PALLD: variants seen among roughly 807,000 people sequenced by gnomAD.
The protein encoded by PALLD is palladin.
In PALLD, 61 loss-of-function variants were observed where a neutral mutation model predicts 123.5. That is an observed-to-expected ratio of 0.49 (90% CI 0.40 to 0.61). The LOEUF is 0.61. Among genes scored for constraint, PALLD ranks in the 20% least tolerant of loss-of-function variants. PALLD has a pLI of 0.00. For synonymous variants in PALLD, 465 were observed against 496.4 expected (o/e 0.94, Z 0.84); for missense variants, 1,273 against 1,377.0 (o/e 0.92, Z 1.20).
At chr4:168,623,579 A>G (rs1378308910) in intron 2 of PALLD, among the ~76,000 whole-genome samples, 1 of 152,218 alleles carries the variant, frequency 6.6e-6, no homozygotes, top group Non-Finnish European at 1.5e-5. Flanking sequence ...GAGGCGGCGA[A>G]CTGCCTAACA....
At chr4:168,800,076 C>G (rs914098570) in intron 10 of PALLD, among the ~76,000 whole-genome samples, 3 of 152,136 alleles carry the variant, frequency 2.0e-5, no homozygotes, top group African/African-American at 7.2e-5. Flanking sequence ...GGCTTCATAT[C>G]TGTAGTAAAG....
intron 10 of PALLD, among the ~76,000 whole-genome samples, chr4:168,808,578 T>G (rs1740584094): frequency 6.6e-6 from 1 of 152,250 alleles, no homozygotes; most frequent in Non-Finnish European, 1.5e-5. Flanking sequence ...AAGCATTGTA[T>G]TAGTCTGTTT....
intron 2 of PALLD, among the ~76,000 whole-genome samples, chr4:168,630,009 G>A (rs1214195120): frequency 2.0e-5 from 3 of 152,118 alleles, no homozygotes; most frequent in African/African-American, 7.2e-5. Context: ...TAGTTGGAGG[G>A]GCTTCTTCAG....
chr4:168,668,323 A>C lies in PALLD; in HGVS notation c.1042A>C (p.Asn348His). 1 of 1,612,784 alleles carries C rather than the reference A, an allele frequency of 6.2e-7. No individual in the cohort carries two copies. The highest frequency in any genetic ancestry group is 8.5e-7 in the Non-Finnish European group (1 of 1,179,050). The change falls in exon 3 of 22, where the codon AAT (asparagine) becomes CAT (histidine). Residue 348 changes from asparagine (N) to histidine (H), a missense_variant. Asn to His is a moderately conservative substitution (Grantham distance 68). Coordinates refer to ENST00000505667, the MANE Select transcript of PALLD (RefSeq NM_001166108.2). ...AGGTCGCTACACCTGTTTGGCTACG[A>C]ATCCCAGCGGCTCAGACACAACATC... ...DTGRYTCLATNPSGSDTTSAE... is the reference protein window; with the variant it reads ...DTGRYTCLATHPSGSDTTSAE...
At position 168,924,465 on chromosome 4, in the gene PALLD, A is replaced by G. The variant is rs374680638; in HGVS notation, c.3224+45A>G. On this transcript the variant is annotated intron_variant, in intron 19 of 21. Coordinates refer to ENST00000505667, the MANE Select transcript of PALLD (RefSeq NM_001166108.2). ...ACCTGATCCTTAACTGTTCAGTCCTAATGATGTATCAAAAGATACATTTTA... is the reference window on the plus strand; with the variant it reads ...ACCTGATCCTTAACTGTTCAGTCCTGATGATGTATCAAAAGATACATTTTA... 20 of 1,516,074 alleles carry G rather than the reference A, an allele frequency of 1.3e-5. No homozygotes were observed. In the African/African-American group the frequency reaches 1.9e-4, roughly 15 times the overall value. The allele number at this position is 1,516,074 out of a possible 1,614,324, so 93.9% of individuals were successfully genotyped here. A position where few individuals can be genotyped will look rare whatever the true frequency, so the allele number is the denominator to read the frequency against.
intron 10 of PALLD, among the ~76,000 whole-genome samples, chr4:168,874,795 C>G (rs972724448): frequency 6.6e-6 from 1 of 152,138 alleles, no homozygotes; most frequent in Non-Finnish European, 1.5e-5. Flanking sequence ...TAAAACCAGT[C>G]TTCCCATGTG....
Position 168,813,104 on chromosome 4 carries a change from T to TG in PALLD, c.1965-77818_1965-77817insG, listed in dbSNP as rs1162151699. ...TTTCTTTCTTTTGAAAAACGTACTT[T>TG]TGGGGGGGGCGGAAATGAATTTGAA... On this transcript the variant is annotated intron_variant, in intron 10 of 21. Transcript: ENST00000505667. Among the ~76,000 whole-genome samples the TG allele has an allele frequency of 4.2e-3, 364 of 87,114 alleles. 1 individual carries two copies. Among genetic ancestry groups the TG allele is most frequent in the African/African-American group, 0.014 (342 of 24,922 alleles). 57.2% of individuals were successfully genotyped at this position (87,114 alleles called of 152,430 possible). A position where few individuals can be genotyped will look rare whatever the true frequency, so the allele number is the denominator to read the frequency against.
chr4:168,738,349 G>A (rs1300617430), intron 10 of PALLD, among the ~76,000 whole-genome samples: 2 of 152,154 alleles, frequency 1.3e-5, no homozygotes, highest in Admixed American at 6.5e-5. Context: ...CACGAGACTT[G>A]TATGTAGCAA....
intron 2 of PALLD, among the ~76,000 whole-genome samples, chr4:168,529,788 T>C (rs1242181380): frequency 6.6e-6 from 1 of 152,182 alleles, no homozygotes; most frequent in Non-Finnish European, 1.5e-5. Flanking sequence ...TTTTTGTTTT[T>C]AAAAATAAAA....
intron 10 of PALLD, among the ~76,000 whole-genome samples, chr4:168,752,294 A>G (rs1158522493): frequency 6.6e-6 from 1 of 152,252 alleles, no homozygotes; most frequent in Non-Finnish European, 1.5e-5. Flanking sequence ...GGATCACTTG[A>G]GCCCAGGAGG....
intron 3 of PALLD, among the ~76,000 whole-genome samples, chr4:168,679,740 GT>G: frequency 6.6e-6 from 1 of 152,102 alleles, no homozygotes; most frequent in African/African-American, 2.4e-5. Flanking sequence ...CAAATTTGGG[GT>G]TTTTTATTTT....
chr4:168,658,284 G>GTTTTTTTTTT lies in PALLD; in HGVS notation c.909-9906_909-9905insTTTTTTTTTT, dbSNP rs755942969. On this transcript the variant is annotated intron_variant, in intron 2 of 21. Transcript: ENST00000505667. ...TTTTGTTGGTGGTGGGTTTTTATTTGGTTTTTTTTTTTTTTTTTGTGATGA... is the reference window on the plus strand; with the variant it reads ...TTTTGTTGGTGGTGGGTTTTTATTTGTTTTTTTTTTGTTTTTTTTTTTTTTTTTGTGATGA... Among the ~76,000 whole-genome samples the GTTTTTTTTTT allele has an allele frequency of 6.0e-4, 73 of 120,726 alleles. 5 individuals are homozygous for GTTTTTTTTTT. Among genetic ancestry groups the GTTTTTTTTTT allele is most frequent in the Non-Finnish European group, 8.6e-4 (51 of 59,426 alleles). The allele number at this position is 120,726 out of a possible 152,430, so 79.2% of individuals were successfully genotyped here.
rs546299471 is a variant in PALLD at position 168,709,188 on chromosome 4, A to T, written c.1621+41A>T. On this transcript the variant is annotated intron_variant, in intron 9 of 21. Coordinates refer to ENST00000505667, the MANE Select transcript of PALLD (RefSeq NM_001166108.2). Reference sequence around the variant, plus strand: ...AAAAAATGACTGGGTTCTGTTCCCCAGCACCAGTGTGGATGGCCACAGCAG... The same window carrying T: ...AAAAAATGACTGGGTTCTGTTCCCCTGCACCAGTGTGGATGGCCACAGCAG... 2.5e-6 allele frequency: 4 copies of T among 1,608,722 alleles called. No homozygotes were observed. The South Asian group carries it at 4.4e-5, about 18-fold the overall frequency.
At chr4:168,634,477 T>C (rs1277911312) in intron 2 of PALLD, among the ~76,000 whole-genome samples, 2 of 152,228 alleles carry the variant, frequency 1.3e-5, no homozygotes, top group Non-Finnish European at 2.9e-5. Context: ...GTTTGTGGCA[T>C]GTTGTGCTAT....
chr4:168,871,996 C>T (rs538439546), intron 10 of PALLD, among the ~76,000 whole-genome samples: 2 of 152,278 alleles, frequency 1.3e-5, no homozygotes, highest in East Asian at 1.9e-4. Context: ...TGGAAGCCAG[C>T]GGCAGGAGTC....
chr4:168,859,445 C>T (rs1749111313), intron 10 of PALLD, among the ~76,000 whole-genome samples: 1 of 152,234 alleles, frequency 6.6e-6, no homozygotes, highest in Non-Finnish European at 1.5e-5. Flanking sequence ...CCCAGACATG[C>T]TGACCATGTG....
At chr4:168,774,474 T>C (rs1158613749) in intron 10 of PALLD, among the ~76,000 whole-genome samples, 2 of 152,138 alleles carry the variant, frequency 1.3e-5, no homozygotes, top group East Asian at 3.9e-4. Flanking sequence ...ATGCGTGTAA[T>C]CCCAGCACTT....
rs150613140 is a variant in PALLD, at chr4:168,856,565, G to T, written c.1965-34357G>T. On this transcript the variant is annotated intron_variant, in intron 10 of 21. Coordinates refer to ENST00000505667, the MANE Select transcript of PALLD (RefSeq NM_001166108.2). ...GACTGGTGTGAGATGGTATCTCATC[G>T]TGGTTTTGGTTTGCATTTCTCTGAT... is the stretch of plus-strand genomic sequence containing the variant. 3.3e-5 allele frequency among the ~76,000 whole-genome samples: 5 copies of T among 152,266 alleles called. No homozygotes were observed. The South Asian group carries it at 8.3e-4, about 25-fold the overall frequency.
rs1762301011 is a variant in PALLD at position 168,925,035 on chromosome 4, T to C, written c.3315T>C (p.Asn1105=). ...GGTGGTATACTGTGTCAGCCAAGAA[T>C]GAAGCAGGGATTGTGTCCTGTACTG... The part of the protein sequence containing the change: ...DAGWYTVSAK[N]EAGIVSCTAR... Residue 1105 remains asparagine, a synonymous_variant, in exon 20 of 22, where the codon AAT becomes AAC. Transcript: ENST00000505667. The C allele has an allele frequency of 4.3e-6, 7 of 1,614,152 alleles. No individual in the cohort carries two copies. The highest frequency in any genetic ancestry group is 5.9e-6 in the Non-Finnish European group (7 of 1,179,990).
Sources: gnomAD v4.1 joint callset for allele counts (sites outside exome capture counted in the v4.1 genomes callset) on GRCh38, gnomAD v4.1.1 for gene constraint, MANE v1.5 for transcripts, NCBI Gene and HGNC (gene_info 2026-07-23, HGNC 2026-07-21) for gene names.